KCNH5: variants seen among roughly 807,000 people sequenced by gnomAD.
KCNH5 encodes the protein voltage-gated delayed rectifier potassium channel KCNH5.
A neutral mutation model predicts 96.1 loss-of-function variants in KCNH5; 46 were observed. The ratio of observed to expected loss-of-function variants is 0.48; its 90% CI spans 0.38 to 0.61. The LOEUF (loss-of-function observed/expected upper bound fraction) is 0.61, where lower values mean the gene tolerates loss of function less well. Among genes scored for constraint, KCNH5 ranks in the 20% least tolerant of loss-of-function variants. The pLI is 0.00. For missense variants in KCNH5, 907 were observed against 1,225.8 expected (o/e 0.74, Z 3.88); for synonymous variants, 439 against 449.8 (o/e 0.98, Z 0.30).
At chr14:62,800,580 CATG>C (rs1471654226) in intron 9 of KCNH5, among the ~76,000 whole-genome samples, 1 of 152,092 alleles carries the variant, frequency 6.6e-6, no homozygotes, top group East Asian at 1.9e-4. Context: ...TGAGGGTTAT[CATG>C]ATATTACATT....
chr14:62,866,287 T>A (rs1309381661), intron 7 of KCNH5, among the ~76,000 whole-genome samples: 2 of 152,212 alleles, frequency 1.3e-5, no homozygotes, highest in East Asian at 3.9e-4. Context: ...TTTGACTTGA[T>A]AAAATTATCC....
intron 8 of KCNH5, among the ~76,000 whole-genome samples, chr14:62,818,999 C>G (rs1432619924): frequency 6.6e-6 from 1 of 152,150 alleles, no homozygotes; most frequent in African/African-American, 2.4e-5. Flanking sequence ...CGGAGTCTCG[C>G]TCTGTCACCC....
At chr14:62,842,024 T>C (rs1289456539) in intron 8 of KCNH5, among the ~76,000 whole-genome samples, 1 of 152,222 alleles carries the variant, frequency 6.6e-6, no homozygotes, top group African/African-American at 2.4e-5. Context: ...ACTATTACGC[T>C]AAATTTCAAC....
chr14:63,021,668 C>T (rs116463695), intron 1 of KCNH5, among the ~76,000 whole-genome samples: 274 of 152,186 alleles, frequency 1.8e-3, no homozygotes, highest in African/African-American at 6.1e-3. Flanking sequence ...CAACTCACTC[C>T]TATTTAGCTT....
chr14:62,706,926 G>A lies in KCNH5; in HGVS notation c.*582C>T, dbSNP rs1884444841. The stretch of plus-strand genomic sequence containing the variant: ...TCATGCACAAAACCCATAGCAATAA[G>A]TTTTCAATATCCCACACTCTTATCT... On this transcript the variant is annotated 3_prime_UTR_variant, in exon 11 of 11. Transcript: ENST00000322893. The A allele has an allele frequency of 6.6e-6, 1 of 152,122 alleles. No individual in the cohort carries two copies. Among genetic ancestry groups the A allele is most frequent in the South Asian group, 2.1e-4 (1 of 4,832 alleles). The allele number at this position is 152,122 out of a possible 1,614,324, so 9.4% of individuals were successfully genotyped here.
intron 7 of KCNH5, among the ~76,000 whole-genome samples, chr14:62,864,422 T>C (rs1033306400): frequency 2.0e-5 from 3 of 152,168 alleles, no homozygotes; most frequent in Non-Finnish European, 2.9e-5. Context: ...GAAACCACTG[T>C]TTTCTTTTCT....
At chr14:62,869,825 T>C (rs1455702002) in intron 7 of KCNH5, among the ~76,000 whole-genome samples, 1 of 152,140 alleles carries the variant, frequency 6.6e-6, no homozygotes, top group Non-Finnish European at 1.5e-5. Context: ...TTGACAAACC[T>C]GACAAAAACA....
At chr14:62,743,575 A>T (rs944214421) in intron 10 of KCNH5, among the ~76,000 whole-genome samples, 1 of 152,222 alleles carries the variant, frequency 6.6e-6, no homozygotes, top group South Asian at 2.1e-4. Context: ...TAAGATCTTT[A>T]AAAAATCTAA....
intron 10 of KCNH5, among the ~76,000 whole-genome samples, chr14:62,766,750 T>G (rs1465786656): frequency 6.6e-6 from 1 of 151,918 alleles, no homozygotes; most frequent in East Asian, 1.9e-4. Context: ...TAGAAAGAAA[T>G]AAGACCTAGT....
intron 1 of KCNH5, among the ~76,000 whole-genome samples, chr14:63,028,094 C>T (rs935912875): frequency 6.6e-6 from 1 of 151,868 alleles, no homozygotes; most frequent in Non-Finnish European, 1.5e-5. Context: ...AACAACTCTG[C>T]AAAGGCTTTA....
Position 62,915,966 on chromosome 14 carries a change from T to A in KCNH5, c.1369+34167A>T, listed in dbSNP as rs1889266131. On this transcript the variant is annotated intron_variant, in intron 7 of 10. Coordinates refer to ENST00000322893, the MANE Select transcript of KCNH5 (RefSeq NM_139318.5). ...CTTTTTTTTTCTTTTTTTTCTTTTT[T>A]TTTTTTGAGATGGAGTCTCGCTTTG... Among the ~76,000 whole-genome samples, 20 of 150,818 alleles carry A rather than the reference T, an allele frequency of 1.3e-4. No individual in the cohort carries two copies. In the South Asian group the frequency reaches 3.6e-3, roughly 27 times the overall value.
rs929356596 is a variant in KCNH5, at chr14:63,008,287, G to A, written c.198-1815C>T. Among the ~76,000 whole-genome samples, 7 of 151,812 alleles carry A rather than the reference G, an allele frequency of 4.6e-5. No individual in the cohort carries two copies. The East Asian group carries it at 5.8e-4, about 13-fold the overall frequency. On this transcript the variant is annotated intron_variant, in intron 2 of 10. Transcript: ENST00000322893. Reference sequence around the variant, plus strand: ...AAAACAAGATTACAAACAGAGCCTCGAAAGACATCCACTCAAATGAGGGCC... The same window carrying A: ...AAAACAAGATTACAAACAGAGCCTCAAAAGACATCCACTCAAATGAGGGCC...
chr14:62,740,807 A>G (rs1885256401), intron 10 of KCNH5, among the ~76,000 whole-genome samples: 1 of 152,160 alleles, frequency 6.6e-6, no homozygotes, highest in African/African-American at 2.4e-5. Flanking sequence ...ATTAATAACC[A>G]CTAACATGCA....
chr14:62,927,812 T>C (rs1248050236), intron 7 of KCNH5, among the ~76,000 whole-genome samples: 1 of 152,060 alleles, frequency 6.6e-6, no homozygotes, highest in Non-Finnish European at 1.5e-5. Context: ...GTTAAGGATG[T>C]ACAACATTAT....
intron 10 of KCNH5, among the ~76,000 whole-genome samples, chr14:62,709,383 C>A (rs71451275): frequency 6.6e-6 from 1 of 152,166 alleles, no homozygotes; most frequent in South Asian, 2.1e-4. Flanking sequence ...TTATGCGACC[C>A]TAGAAGGCAG....
chr14:62,790,580 CTTT>C (rs199614738), intron 9 of KCNH5, among the ~76,000 whole-genome samples: 2 of 141,140 alleles, frequency 1.4e-5, no homozygotes, highest in African/African-American at 5.2e-5. Context: ...TTCTTTCCTT[CTTT>C]TTTTTTTTTT....
chr14:63,010,184 C>T (rs1413139173), intron 2 of KCNH5, among the ~76,000 whole-genome samples: 1 of 152,108 alleles, frequency 6.6e-6, no homozygotes, highest in Non-Finnish European at 1.5e-5. Context: ...TTTGGAGGAC[C>T]ACTTACAAAG....
rs1033838426 is a variant in KCNH5 at position 62,860,127 on chromosome 14, C to G, written c.1370-10275G>C. Among the ~76,000 whole-genome samples, 12 of 152,172 alleles carry G rather than the reference C, an allele frequency of 7.9e-5. 1 individual carries two copies. Among genetic ancestry groups the G allele is most frequent in the Non-Finnish European group, 1.6e-4 (11 of 68,026 alleles). On this transcript the variant is annotated intron_variant, in intron 7 of 10. Transcript: ENST00000322893. ...TTTAGGTTGCACAGTGACTTGATTACCCATAGTCAAATGTTCAGTTTCCAC... is the reference window on the plus strand; with the variant it reads ...TTTAGGTTGCACAGTGACTTGATTAGCCATAGTCAAATGTTCAGTTTCCAC...
chr14:62,776,150 C>T (rs748565957), intron 10 of KCNH5, among the ~76,000 whole-genome samples: 1 of 152,084 alleles, frequency 6.6e-6, no homozygotes, highest in Non-Finnish European at 1.5e-5. Flanking sequence ...ACCTGTAATT[C>T]CTGCTACTCT....
Sources: allele counts gnomAD v4.1 joint callset (sites outside exome capture counted in the v4.1 genomes callset), GRCh38; gene constraint gnomAD v4.1.1; transcripts MANE v1.5; gene names NCBI Gene and HGNC (gene_info 2026-07-23, HGNC 2026-07-21).